Variants in PAICS observed in about 807,000 individuals in gnomAD.
The protein encoded by PAICS is phosphoribosylaminoimidazole carboxylase and phosphoribosylaminoimidazolesuccinocarboxamide synthase, also known as bifunctional phosphoribosylaminoimidazole carboxylase/phosphoribosylaminoimidazole succinocarboxamide synthetase.
Under a neutral mutation model 53.7 loss-of-function variants are expected in PAICS, and 33 were observed. The observed-to-expected ratio is 0.61, with a 90% CI of 0.47 to 0.82. PAICS has a LOEUF of 0.82. Among genes scored for constraint, PAICS ranks in the 40% least tolerant of loss-of-function variants. PAICS has a pLI of 0.00. For synonymous variants in PAICS, 141 were observed against 167.2 expected (o/e 0.84, Z 1.21); for missense variants, 394 against 494.1 (o/e 0.80, Z 1.92).
chr4:56,427,227 C>G, the PAICS span, among the ~76,000 whole-genome samples: 2 of 152,148 alleles, frequency 1.3e-5, no homozygotes, highest in African/African-American at 2.4e-5. Context: ...GCTTTCAATT[C>G]TTTTGGGTAT....
chr4:56,436,027 C>T (rs1245149703), upstream of PAICS: 48 of 1,525,480 alleles, frequency 3.1e-5, no homozygotes, highest in Non-Finnish European at 4.0e-5. Context: ...CGCCACTTTT[C>T]GCCTGTCCGG....
At chr4:56,428,399 A>C in the PAICS span, among the ~76,000 whole-genome samples, 1 of 152,190 alleles carries the variant, frequency 6.6e-6, no homozygotes. Flanking sequence ...AGAAACAAGA[A>C]AATATTTGAG....
rs11359661 is a variant in PAICS at position 56,463,694 on chromosome 4, CA to C, written c.*4173del. 26,318 of 106,642 alleles carry C rather than the reference CA, an allele frequency of 0.25. 2,571 individuals carry two copies. The highest frequency in any genetic ancestry group is 0.41 in the Admixed American group (4,578 of 11,250). 6.6% of individuals were successfully genotyped at this position (106,642 alleles called of 1,614,324 possible). On this transcript the variant is annotated 3_prime_UTR_variant, in exon 9 of 9. Coordinates refer to ENST00000512576, the MANE Select transcript of PAICS (RefSeq NM_001079524.2). Reference sequence around the variant, plus strand: ...GGCAACAAGAGCGAAAATCTGTCGCCAAAAAAAAAAAAAAAAAGATACTGTA... The same window carrying C: ...GGCAACAAGAGCGAAAATCTGTCGCCAAAAAAAAAAAAAAAAGATACTGTA...
intron 2 of PAICS, 83 bp from the exon 3 acceptor site, chr4:56,446,612 A>G: frequency 1.3e-6 from 1 of 782,226 alleles, no homozygotes; most frequent in Non-Finnish European, 2.1e-6. Context: ...TTGCTTGTAA[A>G]GGGTAGAGTT....
At chr4:56,428,233 T>C in the PAICS span, among the ~76,000 whole-genome samples, 1 of 152,248 alleles carries the variant, frequency 6.6e-6, no homozygotes, top group Non-Finnish European at 1.5e-5. Flanking sequence ...TTATAAATCA[T>C]GTTGATTTGT....
At chr4:56,433,065 A>G (rs1317375800), upstream of PAICS, among the ~76,000 whole-genome samples, 2 of 151,424 alleles carry the variant, frequency 1.3e-5, no homozygotes, top group Non-Finnish European at 2.9e-5. Context: ...CTTATCTATC[A>G]GTTTCGAGCA....
rs1249669530 is a variant in PAICS, at chr4:56,462,711, C to G, written c.*3173C>G. 1 of 152,124 alleles carries G rather than the reference C, an allele frequency of 6.6e-6. No homozygotes were observed. 9.4% of individuals were successfully genotyped at this position (152,124 alleles called of 1,614,324 possible). ...GGAATTCATTCACCATGAGAATTAC[C>G]TGGAATTCTCTGGGCATGGTAGCTC... is the stretch of plus-strand genomic sequence containing the variant. On this transcript the variant is annotated 3_prime_UTR_variant, in exon 9 of 9. Transcript: ENST00000512576.
At chr4:56,436,477 C>T (rs976448721) in intron 1 of PAICS, 149 bp downstream of exon 1, 42 of 733,702 alleles carry the variant, frequency 5.7e-5, no homozygotes, top group Non-Finnish European at 9.7e-5. Flanking sequence ...CCAGGCGCTC[C>T]CGGGCCTCCC....
chr4:56,428,746 A>G, the PAICS span, among the ~76,000 whole-genome samples: 4 of 152,224 alleles, frequency 2.6e-5, no homozygotes, highest in Non-Finnish European at 5.9e-5. Flanking sequence ...ATCATTAAAA[A>G]TAGGTACCTA....
At chr4:56,411,882 G>A in the PAICS span, among the ~76,000 whole-genome samples, 1 of 152,158 alleles carries the variant, frequency 6.6e-6, no homozygotes, top group Non-Finnish European at 1.5e-5. Context: ...CATGTTTACA[G>A]CTCAGTAACA....
the PAICS span, chr4:56,423,262 A>G: frequency 6.6e-6 from 1 of 152,266 alleles, no homozygotes; most frequent in African/African-American, 2.4e-5. Context: ...TCTCTGGTTT[A>G]TCAGACAGGA....
At chr4:56,436,887 A>T (rs1578144128) in intron 1 of PAICS, among the ~76,000 whole-genome samples, 1 of 152,050 alleles carries the variant, frequency 6.6e-6, no homozygotes, top group East Asian at 1.9e-4. Context: ...ATCCCCAGCT[A>T]CTCAGGAGGC....
At chr4:56,449,495 G>A (rs1422376405) in intron 5 of PAICS, among the ~76,000 whole-genome samples, 1 of 152,130 alleles carries the variant, frequency 6.6e-6, no homozygotes, top group African/African-American at 2.4e-5. Context: ...AATACCATTT[G>A]ACCCAGCAAT....
chr4:56,441,899 T>G, intron 2 of PAICS, 39 bp downstream of exon 2: 2 of 1,347,032 alleles, frequency 1.5e-6, no homozygotes, highest in Non-Finnish European at 2.0e-6. Flanking sequence ...TCACCTTCTC[T>G]GGTAAGCATG....
At chr4:56,433,486 C>G (rs1578140286), upstream of PAICS, among the ~76,000 whole-genome samples, 1 of 133,910 alleles carries the variant, frequency 7.5e-6, no homozygotes. Context: ...CCAGTGCTAA[C>G]ATGTAAGTTA....
chr4:56,439,771 T>C (rs115158819), intron 1 of PAICS, among the ~76,000 whole-genome samples: 166 of 152,236 alleles, frequency 1.1e-3, no homozygotes, highest in Non-Finnish European at 1.8e-3. Context: ...ACTACAGGCA[T>C]GCACCACCAT....
At position 56,453,753 on chromosome 4, in the gene PAICS, T is replaced by C. The variant is rs1178541128; in HGVS notation, c.1103T>C (p.Leu368Pro). ...GVQDVWSSLR[L>P]PSGLGCSTVL... ...CAGGATGTGTGGTCTTCTCTTCGACTACCCAGTGGTAAGATACATTGAATT... is the reference window on the plus strand; with the variant it reads ...CAGGATGTGTGGTCTTCTCTTCGACCACCCAGTGGTAAGATACATTGAATT... Residue 368 changes from leucine to proline, a missense_variant, in exon 8 of 9, where the codon CTA becomes CCA. Transcript: ENST00000512576. 6.5e-7 allele frequency: 1 copy of C among 1,543,486 alleles called. No individual in the cohort carries two copies. Among genetic ancestry groups the C allele is most frequent in the Admixed American group, 2.0e-5 (1 of 50,892 alleles).
At chr4:56,447,055 TA>T (rs1718659356) in intron 3 of PAICS, among the ~76,000 whole-genome samples, 182 bp downstream of exon 3, 1 of 150,500 alleles carries the variant, frequency 6.6e-6, no homozygotes, top group Non-Finnish European at 1.5e-5. Context: ...TTAACAATGA[TA>T]AATCAAATTT....
intron 3 of PAICS, among the ~76,000 whole-genome samples, chr4:56,448,198 G>T: frequency 6.9e-6 from 1 of 144,160 alleles, no homozygotes. Context: ...TAGTAGACAG[G>T]GTTTCACTGT....
Sources: allele counts gnomAD v4.1 joint callset (sites outside exome capture counted in the v4.1 genomes callset), GRCh38; gene constraint gnomAD v4.1.1; transcripts MANE v1.5; gene names NCBI Gene and HGNC (gene_info 2026-07-23, HGNC 2026-07-21).